The following TENM2 variants were observed in gnomAD, a reference collection of about 807,000 sequenced individuals.
TENM2 encodes teneurin-2.
Under a neutral mutation model 245.2 loss-of-function variants are expected in TENM2, and 52 were observed. That is an observed-to-expected ratio of 0.21 (90% CI 0.17 to 0.27). TENM2 has a LOEUF of 0.27. Ranked by LOEUF, TENM2 falls within the 10% of genes least tolerant of loss-of-function variation. The probability of loss-of-function intolerance (pLI) is 1.00; values close to 1 mark genes in which losing one functional copy is unlikely to be tolerated. For missense variants in TENM2, 3,046 were observed against 3,666.8 expected (o/e 0.83, Z 4.37); for synonymous variants, 1,363 against 1,438.9 (o/e 0.95, Z 1.19).
chr5:167,965,650 G>A (rs969309815), intron 4 of TENM2: 1 of 152,104 alleles, frequency 6.6e-6, no homozygotes, highest in Non-Finnish European at 1.5e-5. Flanking sequence ...ATAGGCCTGT[G>A]AATACTAACT....
chr5:168,239,356 A>G (rs753993915), intron 25 of TENM2, among the ~76,000 whole-genome samples: 5 of 152,204 alleles, frequency 3.3e-5, no homozygotes, highest in Non-Finnish European at 5.9e-5. Flanking sequence ...AACCTGTGCT[A>G]TCAAAAAATC....
At chr5:167,122,560 G>A in the TENM2 span, among the ~76,000 whole-genome samples, 1 of 152,318 alleles carries the variant, frequency 6.6e-6, no homozygotes, top group East Asian at 1.9e-4. Flanking sequence ...GTAAATGGAT[G>A]TTAATGTTCC....
chr5:168,047,292 TG>T, intron 5 of TENM2, 134 bp from the exon 8 acceptor site: 2 of 927,922 alleles, frequency 2.2e-6, no homozygotes, highest in Non-Finnish European at 3.3e-6. Flanking sequence ...CTAATCCCTG[TG>T]GCCTGGGGCA....
At chr5:168,164,621 C>A (rs763380716) in intron 13 of TENM2, among the ~76,000 whole-genome samples, 17 of 152,138 alleles carry the variant, frequency 1.1e-4, no homozygotes, top group Non-Finnish European at 2.5e-4. Flanking sequence ...TCCCCATGTT[C>A]CTTCCTGATG....
chr5:167,890,979 G>T lies in TENM2; in HGVS notation c.712+14784G>T, dbSNP rs115760870. Reference sequence around the variant, plus strand: ...TCTACTTAACAGATAATCCATTTGAGGGATAAAAATTTCAAGTGACTTACT... The same window carrying T: ...TCTACTTAACAGATAATCCATTTGATGGATAAAAATTTCAAGTGACTTACT... On this transcript the variant is annotated intron_variant, in intron 3 of 28. Transcript: ENST00000518659. Among the ~76,000 whole-genome samples the T allele has an allele frequency of 8.3e-3, 1,268 of 152,212 alleles. 17 individuals are homozygous for T. The highest frequency in any genetic ancestry group is 0.029 in the African/African-American group (1,189 of 41,530).
At chr5:167,574,653 T>G (rs1012776351) in intron 2 of TENM2, among the ~76,000 whole-genome samples, 1 of 152,212 alleles carries the variant, frequency 6.6e-6, no homozygotes, top group Admixed American at 6.5e-5. Context: ...AGGGATCTGG[T>G]AAATAATTAG....
intron 2 of TENM2, among the ~76,000 whole-genome samples, chr5:167,483,192 A>G (rs907412027): frequency 2.0e-5 from 3 of 152,210 alleles, no homozygotes; most frequent in South Asian, 2.1e-4. Flanking sequence ...CAGCCCCTGT[A>G]CAGAGTTAGC....
chr5:167,563,682 A>G (rs1773731517), intron 2 of TENM2, among the ~76,000 whole-genome samples: 1 of 152,182 alleles, frequency 6.6e-6, no homozygotes, highest in Admixed American at 6.5e-5. Context: ...GTCCCATAAG[A>G]TTATAATGGA....
the TENM2 span, among the ~76,000 whole-genome samples, chr5:167,048,323 T>C: frequency 9.2e-5 from 14 of 152,208 alleles, no homozygotes; most frequent in African/African-American, 3.1e-4. Context: ...TGGAATGAGT[T>C]GTTCAAATAT....
At chr5:167,417,623 C>G (rs903712194) in intron 2 of TENM2, among the ~76,000 whole-genome samples, 3 of 152,100 alleles carry the variant, frequency 2.0e-5, no homozygotes, top group Non-Finnish European at 4.4e-5. Flanking sequence ...CATACATTAT[C>G]TAGTTTAAGC....
chr5:167,190,021 C>A, the TENM2 span, among the ~76,000 whole-genome samples: 1 of 151,982 alleles, frequency 6.6e-6, no homozygotes, highest in East Asian at 1.9e-4. Flanking sequence ...AACTTAAATT[C>A]TGTCCAAATT....
chr5:168,122,997 G>A (rs139073122), intron 10 of TENM2, among the ~76,000 whole-genome samples: 2 of 152,184 alleles, frequency 1.3e-5, no homozygotes, highest in East Asian at 3.9e-4. Context: ...TACGTCATCA[G>A]TATTAAAATA....
intron 2 of TENM2, among the ~76,000 whole-genome samples, chr5:167,459,099 T>G (rs1766121591): frequency 6.6e-6 from 1 of 152,234 alleles, no homozygotes; most frequent in Admixed American, 6.5e-5. Flanking sequence ...TCCAGGATTC[T>G]TTCCATCTTG....
At chr5:168,048,950 C>T (rs1304210254) in intron 6 of TENM2, among the ~76,000 whole-genome samples, 2 of 152,194 alleles carry the variant, frequency 1.3e-5, no homozygotes, top group African/African-American at 4.8e-5. Flanking sequence ...TTTGCCTTAA[C>T]TGACCATGTT....
chr5:167,267,568 A>G, the TENM2 span, among the ~76,000 whole-genome samples: 5 of 152,192 alleles, frequency 3.3e-5, no homozygotes, highest in Non-Finnish European at 5.9e-5. Flanking sequence ...TGTCTCCCGC[A>G]GAACCTTTTA....
chr5:168,148,767 A>G (rs942938169), intron 12 of TENM2, among the ~76,000 whole-genome samples: 1 of 152,158 alleles, frequency 6.6e-6, no homozygotes, highest in African/African-American at 2.4e-5. Context: ...GGGCTCCTCT[A>G]TGAGGTCGTT....
chr5:167,384,704 G>A (rs34635638), intron 2 of TENM2, among the ~76,000 whole-genome samples: 79 of 89,864 alleles, frequency 8.8e-4, no homozygotes, highest in South Asian at 6.7e-3. Context: ...ACACGCGTGC[G>A]CGCACACACG....
intron 1 of TENM2, among the ~76,000 whole-genome samples, chr5:167,313,475 A>G (rs1188518967): frequency 6.6e-6 from 1 of 152,258 alleles, no homozygotes; most frequent in East Asian, 1.9e-4. Context: ...TGTTTCTACT[A>G]AAAATACAAA....
At chr5:167,260,654 A>G in the TENM2 span, among the ~76,000 whole-genome samples, 9 of 152,230 alleles carry the variant, frequency 5.9e-5, no homozygotes, top group Non-Finnish European at 1.2e-4. Context: ...GCACTGTGCT[A>G]GGCACTGTGG....
Sources: gnomAD v4.1 joint callset for allele counts (sites outside exome capture counted in the v4.1 genomes callset) on GRCh38, gnomAD v4.1.1 for gene constraint, MANE v1.5 for transcripts, NCBI Gene and HGNC (gene_info 2026-07-23, HGNC 2026-07-21) for gene names.